Variants in KLHL1 observed in about 807,000 individuals in gnomAD.
KLHL1 encodes the protein kelch-like protein 1.
In KLHL1, 47 loss-of-function variants were observed where a neutral mutation model predicts 77.7. The ratio of observed to expected loss-of-function variants is 0.60; its 90% CI spans 0.48 to 0.77. KLHL1 has a LOEUF of 0.77. Ranked by LOEUF, KLHL1 falls within the 30% of genes least tolerant of loss-of-function variation. The pLI is 0.00. For missense variants in KLHL1, 925 were observed against 910.8 expected, an observed-to-expected ratio of 1.02 and a Z score of -0.20; for synonymous variants, 360 against 325.2, an observed-to-expected ratio of 1.11 and a Z score of -1.15.
chr13:69,763,761 T>A (rs923023741), intron 7 of KLHL1, among the ~76,000 whole-genome samples: 6 of 152,186 alleles, frequency 3.9e-5, no homozygotes, highest in Non-Finnish European at 7.3e-5. Context: ...CAGACCAAAT[T>A]AAAATGGAGT....
intron 1 of KLHL1, among the ~76,000 whole-genome samples, chr13:70,007,551 A>C (rs1189980265): frequency 6.6e-6 from 1 of 152,022 alleles, no homozygotes; most frequent in Non-Finnish European, 1.5e-5. Context: ...AGAATAGATA[A>C]TACTGAGACT....
At chr13:69,844,971 C>T (rs1324268617) in intron 5 of KLHL1, among the ~76,000 whole-genome samples, 1 of 151,584 alleles carries the variant, frequency 6.6e-6, no homozygotes, top group African/African-American at 2.4e-5. Context: ...GAAATATTTG[C>T]TCCCGCAGGA....
chr13:69,969,225 A>G (rs984154388), intron 2 of KLHL1, among the ~76,000 whole-genome samples: 1 of 152,116 alleles, frequency 6.6e-6, no homozygotes, highest in African/African-American at 2.4e-5. Flanking sequence ...GCCTTATAAG[A>G]TTCATGGCTT....
chr13:69,833,804 T>C (rs574017731), intron 6 of KLHL1, among the ~76,000 whole-genome samples: 1 of 149,944 alleles, frequency 6.7e-6, no homozygotes, highest in South Asian at 2.1e-4. Flanking sequence ...GTGTTCTATA[T>C]ATATATATAC....
At chr13:69,818,931 G>C (rs925058624) in intron 6 of KLHL1, among the ~76,000 whole-genome samples, 3 of 152,148 alleles carry the variant, frequency 2.0e-5, no homozygotes, top group African/African-American at 4.8e-5. Flanking sequence ...AAGTCATACA[G>C]TATTTTAATG....
intron 8 of KLHL1, among the ~76,000 whole-genome samples, chr13:69,739,272 G>A (rs1327697568): frequency 2.6e-5 from 4 of 152,106 alleles, no homozygotes; most frequent in South Asian, 4.2e-4. Flanking sequence ...TGAAAAGGAC[G>A]AATTGTTACC....
intron 2 of KLHL1, among the ~76,000 whole-genome samples, chr13:69,963,749 T>C (rs1395966588): frequency 6.6e-6 from 1 of 152,146 alleles, no homozygotes; most frequent in African/African-American, 2.4e-5. Context: ...AAAATATATT[T>C]AAATTTACTG....
chr13:69,809,111 G>A (rs1877750147), intron 6 of KLHL1, among the ~76,000 whole-genome samples: 1 of 152,082 alleles, frequency 6.6e-6, no homozygotes, highest in African/African-American at 2.4e-5. Context: ...GAGAGAAGAG[G>A]AAGCAAGCAA....
chr13:69,804,811 T>C (rs1050519241), intron 6 of KLHL1, among the ~76,000 whole-genome samples: 4 of 152,084 alleles, frequency 2.6e-5, no homozygotes, highest in Non-Finnish European at 4.4e-5. Flanking sequence ...CATCAAATCA[T>C]TAGGAAAAAG....
chr13:69,893,832 T>G (rs1211249451), intron 4 of KLHL1, among the ~76,000 whole-genome samples: 2 of 152,234 alleles, frequency 1.3e-5, no homozygotes, highest in Admixed American at 1.3e-4. Flanking sequence ...TATTTACTTA[T>G]GTGTTTATAG....
chr13:69,746,426 A>G (rs1874215921), intron 7 of KLHL1, among the ~76,000 whole-genome samples: 1 of 151,958 alleles, frequency 6.6e-6, no homozygotes, highest in African/African-American at 2.4e-5. Context: ...AATTAATTTA[A>G]TTAGCTACAC....
At chr13:69,949,113 A>T (rs915655536) in intron 3 of KLHL1, among the ~76,000 whole-genome samples, 1 of 151,932 alleles carries the variant, frequency 6.6e-6, no homozygotes, top group African/African-American at 2.4e-5. Flanking sequence ...AACATCTTAC[A>T]TTCGTATGAT....
intron 4 of KLHL1, among the ~76,000 whole-genome samples, chr13:69,911,583 A>T (rs1248042773): frequency 4.3e-5 from 6 of 138,578 alleles, no homozygotes; most frequent in African/African-American, 1.6e-4. Flanking sequence ...AAAAAAAAAA[A>T]GCCCAAAGCA....
At chr13:70,094,978 T>C (rs1441184956) in intron 1 of KLHL1, among the ~76,000 whole-genome samples, 1 of 152,158 alleles carries the variant, frequency 6.6e-6, no homozygotes, top group Non-Finnish European at 1.5e-5. Flanking sequence ...CCAGTCCCCA[T>C]TGCTACCAAA....
At chr13:69,960,878 C>T (rs890992926) in intron 3 of KLHL1, among the ~76,000 whole-genome samples, 2 of 151,984 alleles carry the variant, frequency 1.3e-5, no homozygotes, top group Non-Finnish European at 2.9e-5. Flanking sequence ...AATGATTTGT[C>T]AAGTCCACAT....
At chr13:69,865,720 A>G (rs1393405369) in intron 5 of KLHL1, among the ~76,000 whole-genome samples, 1 of 152,146 alleles carries the variant, frequency 6.6e-6, no homozygotes, top group Admixed American at 6.6e-5. Context: ...CACAGGGAGT[A>G]AGAAAACAAT....
At chr13:69,788,786 T>A (rs1334377154) in intron 7 of KLHL1, among the ~76,000 whole-genome samples, 1 of 152,124 alleles carries the variant, frequency 6.6e-6, no homozygotes, top group African/African-American at 2.4e-5. Context: ...AAGTGATGAA[T>A]AAAATGAAGA....
chr13:69,727,592 C>T (rs1033771848), intron 8 of KLHL1, among the ~76,000 whole-genome samples: 12 of 152,094 alleles, frequency 7.9e-5, no homozygotes, highest in African/African-American at 2.7e-4. Flanking sequence ...GAAGTCTAAG[C>T]TATTAAAACC....
chr13:69,731,934 TTTA>T (rs1873562102), intron 8 of KLHL1, among the ~76,000 whole-genome samples: 1 of 152,012 alleles, frequency 6.6e-6, no homozygotes, highest in South Asian at 2.1e-4. Context: ...ATAAAAATAT[TTTA>T]TTTTTTGACC....
Sources: gnomAD v4.1 joint callset for allele counts (sites outside exome capture counted in the v4.1 genomes callset) on GRCh38, gnomAD v4.1.1 for gene constraint, MANE v1.5 for transcripts, NCBI Gene and HGNC (gene_info 2026-07-23, HGNC 2026-07-21) for gene names.